Variants in PCDHGB7 observed in about 807,000 individuals in gnomAD.
PCDHGB7 encodes protocadherin gamma subfamily B, 7.
Under a neutral mutation model 61.4 loss-of-function variants are expected in PCDHGB7, and 37 were observed. The ratio of observed to expected loss-of-function variants is 0.60; its 90% CI spans 0.46 to 0.79. The LOEUF is 0.79. PCDHGB7 is among the 30% of genes least tolerant of loss of function. The pLI is 0.00. For synonymous variants in PCDHGB7, 464 were observed against 503.5 expected, an observed-to-expected ratio of 0.92 and a Z score of 1.05; for missense variants, 1,166 against 1,202.5, an observed-to-expected ratio of 0.97 and a Z score of 0.45.
Position 141,505,556 on chromosome 5 carries a change from C to T in PCDHGB7, c.2563+75C>T, listed in dbSNP as rs2233611. ...GGGTGCATCTCACAGCCACCATGCC[C>T]ACGGACTGGATGTCAAACCTGTGTA... On this transcript the variant is annotated intron_variant, in intron 3 of 3. Transcript: ENST00000398594. 1,282 of 1,606,040 alleles carry T rather than the reference C, an allele frequency of 8.0e-4. 6 individuals are homozygous for T. In the African/African-American group the frequency reaches 0.013, roughly 16 times the overall value.
intron 1 of PCDHGB7, chr5:141,423,496 G>A (rs1049120602): frequency 1.2e-6 from 2 of 1,613,804 alleles, no homozygotes; most frequent in African/African-American, 1.3e-5. Flanking sequence ...CTATTCCCAC[G>A]AGGTCTCTCT....
intron 2 of PCDHGB7, among the ~76,000 whole-genome samples, chr5:141,496,703 GT>G (rs1360916053): frequency 6.6e-6 from 1 of 152,132 alleles, no homozygotes; most frequent in East Asian, 1.9e-4. Context: ...CTTCTCATAA[GT>G]TATCCATTAA....
intron 1 of PCDHGB7, among the ~76,000 whole-genome samples, chr5:141,425,864 A>T (rs2096899427): frequency 6.6e-6 from 1 of 152,254 alleles, no homozygotes; most frequent in African/African-American, 2.4e-5. Flanking sequence ...TGTTCTATAG[A>T]TTCCCATCTC....
rs2096226975 is a variant in PCDHGB7 at position 141,418,126 on chromosome 5, A to G, written c.267A>G (p.Arg89=). The G allele has an allele frequency of 1.9e-6, 3 of 1,613,994 alleles. No homozygotes were observed. Among genetic ancestry groups the G allele is most frequent in the Non-Finnish European group, 2.5e-6 (3 of 1,179,922 alleles). Residue 89 remains arginine, a synonymous_variant, in exon 1 of 4, where the codon CGA becomes CGG. Transcript: ENST00000398594. ...GCGGGGACTTACTTGTGAAGGACCG[A>G]ATAGACCGTGAGCAAATATGCAAAG... is the stretch of plus-strand genomic sequence containing the variant. ...AQSGDLLVKD[R]IDREQICKER... is the part of the protein sequence containing the mutation.
rs2099735810 is a variant in PCDHGB7 at position 141,491,979 on chromosome 5, G to A, written c.2416-2828G>A. On this transcript the variant is annotated intron_variant, in intron 1 of 3. Transcript: ENST00000398594. This position sits in a 1 kb window ranked among gnomAD's most constrained non-coding sequence, Gnocchi z 6.9. ...CAAAAAAGGCCGGGGCCTCCTTCGA[G>A]CTTCCGGTGAATTTCGGGCGATTTC... 6.4e-6 allele frequency: 5 copies of A among 787,296 alleles called. No homozygotes were observed. Among genetic ancestry groups the A allele is most frequent in the Non-Finnish European group, 9.4e-6 (5 of 533,208 alleles). 48.8% of individuals were successfully genotyped at this position (787,296 alleles called of 1,614,324 possible).
At position 141,433,052 on chromosome 5, in the gene PCDHGB7, A is replaced by G. The variant is rs757503771; in HGVS notation, c.2415+12778A>G. The G allele has an allele frequency of 3.1e-6, 5 of 1,614,178 alleles. No individual in the cohort carries two copies. In the Admixed American group the frequency reaches 8.3e-5, roughly 27 times the overall value. ...GGTTTCCCTCACCACGGACTCGCGG[A>G]AGAGTCACCTGATCTTCCCCCAGCC... On this transcript the variant is annotated intron_variant, in intron 1 of 3. Transcript: ENST00000398594.
chr5:141,432,128 T>C lies in PCDHGB7; in HGVS notation c.2415+11854T>C. 3 of 1,614,080 alleles carry C rather than the reference T, an allele frequency of 1.9e-6. No homozygotes were observed. Among genetic ancestry groups the C allele is most frequent in the Non-Finnish European group, 2.5e-6 (3 of 1,180,016 alleles). On this transcript the variant is annotated intron_variant, in intron 1 of 3. Coordinates refer to ENST00000398594, the MANE Select transcript of PCDHGB7 (RefSeq NM_018927.4). This position sits in a 1 kb window ranked among gnomAD's most constrained non-coding sequence, Gnocchi z 6.0. ...CCCGCCGGTCTTCCCTCAGGCCTCC[T>C]ATTCCGCTTATATCCCAGAGAACAA... is the stretch of plus-strand genomic sequence containing the variant.
intron 1 of PCDHGB7, chr5:141,421,895 G>T: frequency 2.5e-6 from 4 of 1,613,730 alleles, no homozygotes; most frequent in Non-Finnish European, 3.4e-6. Context: ...GATCCCATCC[G>T]AAAGGGCGCA....
intron 1 of PCDHGB7, among the ~76,000 whole-genome samples, chr5:141,469,172 A>C (rs1310781965): frequency 6.6e-6 from 1 of 152,050 alleles, no homozygotes; most frequent in Admixed American, 6.6e-5. Context: ...GCTACTTGGG[A>C]GGCTGAGGCA....
At position 141,485,221 on chromosome 5, in the gene PCDHGB7, C is replaced by A; in HGVS notation, c.2416-9586C>A. 4 of 1,614,118 alleles carry A rather than the reference C, an allele frequency of 2.5e-6. No individual in the cohort carries two copies. The highest frequency in any genetic ancestry group is 2.2e-5 in the East Asian group (1 of 44,868). ...GGACAGAAATCTGGCGGTGGGCTAC[C>A]CTTTTGTTCCTCTTTTACCACCTGG... On this transcript the variant is annotated intron_variant, in intron 1 of 3. Coordinates refer to ENST00000398594, the MANE Select transcript of PCDHGB7 (RefSeq NM_018927.4). The surrounding 1 kb of genome is among the most constrained non-coding windows in gnomAD (Gnocchi z 5.7).
rs76825883 is a variant in PCDHGB7, at chr5:141,433,317, C to T, written c.2415+13043C>T. The T allele has an allele frequency of 1.4e-3, 1,163 of 830,944 alleles. 6 individuals are homozygous for T. In the African/African-American group the frequency reaches 0.015, roughly 11 times the overall value. 51.5% of individuals were successfully genotyped at this position (830,944 alleles called of 1,614,324 possible). A position where few individuals can be genotyped will look rare whatever the true frequency, so the allele number is the denominator to read the frequency against. On this transcript the variant is annotated intron_variant, in intron 1 of 3. Transcript: ENST00000398594. ...CAAGCAATTATCCCACCTTTGCCTC[C>T]GGTGTAACAGGGACTACAGGTGCAA... is the stretch of plus-strand genomic sequence containing the variant.
At chr5:141,427,845 G>C in intron 1 of PCDHGB7, 1 of 1,550,582 alleles carries the variant, frequency 6.4e-7, no homozygotes, top group Non-Finnish European at 8.8e-7. Context: ...CTTCGACCAC[G>C]AGCAGCTGTG....
Position 141,511,040 on chromosome 5 carries a change from C to T in PCDHGB7, c.2657C>T (p.Pro886Leu), listed in dbSNP as rs770767470. The T allele has an allele frequency of 6.2e-7, 1 of 1,614,216 alleles. No individual in the cohort carries two copies. The highest frequency in any genetic ancestry group is 1.7e-5 in the Admixed American group (1 of 60,034). Reference protein sequence around the residue: ...YGPQFTLQHVPDYRQNVYIPG... With the variant: ...YGPQFTLQHVLDYRQNVYIPG... ...CCCCAGTTCACCCTGCAGCACGTGC[C>T]CGACTACCGCCAGAATGTCTACATC... Residue 886 changes from proline (P) to leucine (L), a missense_variant, in exon 4 of 4, where the codon CCC becomes CTC. Physicochemically the swap from Pro to Leu is moderately conservative, Grantham distance 98. Transcript: ENST00000398594.
intron 1 of PCDHGB7, chr5:141,421,333 G>A (rs1458277535): frequency 2.5e-6 from 4 of 1,613,850 alleles, no homozygotes; most frequent in Admixed American, 1.7e-5. Flanking sequence ...CCGATATTCG[G>A]TGCCAGAAGA....
At position 141,433,275 on chromosome 5, in the gene PCDHGB7, C is replaced by G. The variant is rs1173546273; in HGVS notation, c.2415+13001C>G. 1.5e-5 allele frequency: 19 copies of G among 1,229,998 alleles called. No homozygotes were observed. In the East Asian group the frequency reaches 3.6e-4, roughly 23 times the overall value. The allele number at this position is 1,229,998 out of a possible 1,614,324, so 76.2% of individuals were successfully genotyped here. A position where few individuals can be genotyped will look rare whatever the true frequency, so the allele number is the denominator to read the frequency against. On this transcript the variant is annotated intron_variant, in intron 1 of 3. Transcript: ENST00000398594. ...GCGGTACGATCATAGCTCACTGCAG[C>G]CTCAAACTCCTAGGCTCAAGCAATT...
At chr5:141,463,900 C>G (rs879243077) in intron 1 of PCDHGB7, among the ~76,000 whole-genome samples, 4 of 152,168 alleles carry the variant, frequency 2.6e-5, no homozygotes, top group Admixed American at 2.6e-4. Context: ...GCTTTTTGTA[C>G]TAATAATATA....
chr5:141,507,487 G>A (rs889348168), intron 3 of PCDHGB7, among the ~76,000 whole-genome samples: 1 of 152,204 alleles, frequency 6.6e-6, no homozygotes, highest in African/African-American at 2.4e-5. Context: ...GCCTCCTGAG[G>A]CAGAGCTGTC....
rs779735897 is a variant in PCDHGB7 at position 141,422,336 on chromosome 5, TA to T, written c.2415+2065del. 34 of 1,550,032 alleles carry T rather than the reference TA, an allele frequency of 2.2e-5. No individual in the cohort carries two copies. The East Asian group carries it at 7.2e-4, about 33-fold the overall frequency. On this transcript the variant is annotated intron_variant, in intron 1 of 3. Coordinates refer to ENST00000398594, the MANE Select transcript of PCDHGB7 (RefSeq NM_018927.4). ...CCTCCAGGTACAGTGATTGCTCTTC[TA>T]AATGTGCAAGATCAAGATTCTGGAG... is the stretch of plus-strand genomic sequence containing the variant.
intron 1 of PCDHGB7, among the ~76,000 whole-genome samples, chr5:141,457,920 C>T (rs1340816332): frequency 6.6e-6 from 1 of 150,868 alleles, no homozygotes; most frequent in Non-Finnish European, 1.5e-5. Flanking sequence ...GCCAGTTCTC[C>T]CCAAGGGGCT....
Sources: gnomAD v4.1 joint callset for allele counts (sites outside exome capture counted in the v4.1 genomes callset) on GRCh38, gnomAD v4.1.1 for gene constraint, Gnocchi (gnomAD v3.1) non-coding constraint, MANE v1.5 for transcripts, NCBI Gene and HGNC (gene_info 2026-07-23, HGNC 2026-07-21) for gene names.